The following RAP1GAP2 variants were observed in gnomAD, a reference collection of about 807,000 sequenced individuals.
RAP1GAP2 encodes rap1 GTPase-activating protein 2.
In RAP1GAP2, 27 loss-of-function variants were observed where a neutral mutation model predicts 95.0. That is an observed-to-expected ratio of 0.28 (90% CI 0.21 to 0.39). The LOEUF (loss-of-function observed/expected upper bound fraction) is 0.39. RAP1GAP2 is among the 10% of genes least tolerant of loss of function. RAP1GAP2 has a pLI of 1.00. For missense variants in RAP1GAP2, 771 were observed against 970.0 expected (o/e 0.79, Z 2.72); for synonymous variants, 373 against 380.9 (o/e 0.98, Z 0.24).
chr17:2,891,674 G>C (rs989432385), intron 2 of RAP1GAP2, among the ~76,000 whole-genome samples: 2 of 151,192 alleles, frequency 1.3e-5, no homozygotes, highest in African/African-American at 2.4e-5. Flanking sequence ...TGTCTTTATT[G>C]GTTGATAGTT....
At chr17:2,967,385 TGAC>T (rs35999088) in intron 8 of RAP1GAP2, among the ~76,000 whole-genome samples, 8,826 of 151,870 alleles carry the variant, frequency 0.058, 342 homozygotes, top group East Asian at 0.2. Flanking sequence ...ACAACAACGA[TGAC>T]AACAACAACG....
intron 2 of RAP1GAP2, among the ~76,000 whole-genome samples, chr17:2,835,590 G>A (rs561215537): frequency 6.6e-6 from 1 of 152,312 alleles, no homozygotes; most frequent in South Asian, 2.1e-4. Flanking sequence ...ACAGAGCTGG[G>A]TGTGGTGAAC....
chr17:2,853,910 G>T, intron 2 of RAP1GAP2: 5 of 979,560 alleles, frequency 5.1e-6, no homozygotes, highest in South Asian at 4.7e-5. Flanking sequence ...GCCGGGGCGC[G>T]GGCTCAGGGG....
At chr17:3,022,011 A>T (rs1414837389) in intron 19 of RAP1GAP2, among the ~76,000 whole-genome samples, 1 of 151,962 alleles carries the variant, frequency 6.6e-6, no homozygotes, top group African/African-American at 2.4e-5. Context: ...CTGCAGGGGG[A>T]TTGCTAGATC....
At position 3,035,772 on chromosome 17, in the gene RAP1GAP2, G is replaced by T. The variant is rs1157732812; in HGVS notation, c.*2411G>T. ...CCTCCCCTCCCTCCCCTAGACCACG[G>T]GGCGGGCAGCTCGGGTTCCTGGAGG... On this transcript the variant is annotated 3_prime_UTR_variant, in exon 25 of 25. Transcript: ENST00000254695. The surrounding 1 kb of genome is among the most constrained non-coding windows in gnomAD (Gnocchi z 4.3). 6.6e-6 allele frequency: 1 copy of T among 152,352 alleles called. No individual in the cohort carries two copies. The highest frequency in any genetic ancestry group is 1.5e-5 in the Non-Finnish European group (1 of 68,164). 9.4% of individuals were successfully genotyped at this position (152,352 alleles called of 1,614,324 possible).
At chr17:2,778,015 G>A (rs111950542) in intron 1 of RAP1GAP2, among the ~76,000 whole-genome samples, 1 of 33,618 alleles carries the variant, frequency 3.0e-5, no homozygotes, top group Non-Finnish European at 6.4e-5. Flanking sequence ...GCTGGGAGGC[G>A]GGGAGGCTGG....
At chr17:2,756,808 C>T (rs963908724) in intron 1 of RAP1GAP2, among the ~76,000 whole-genome samples, 1 of 152,154 alleles carries the variant, frequency 6.6e-6, no homozygotes, top group African/African-American at 2.4e-5. Flanking sequence ...GTATTAGCAC[C>T]TCCATTTTAC....
At position 2,903,572 on chromosome 17, in the gene RAP1GAP2, G is replaced by C. The variant is rs918191221; in HGVS notation, c.81-1712G>C. 6.6e-6 allele frequency among the ~76,000 whole-genome samples: 1 copy of C among 152,206 alleles called. No homozygotes were observed. The highest frequency in any genetic ancestry group is 1.5e-5 in the Non-Finnish European group (1 of 68,044). On this transcript the variant is annotated intron_variant, in intron 2 of 24. Coordinates refer to ENST00000254695, the MANE Select transcript of RAP1GAP2 (RefSeq NM_015085.5). This position sits in a 1 kb window ranked among gnomAD's most constrained non-coding sequence, Gnocchi z 4.1. ...GAGCCAGTTACAGCCTGGATCAGGC[G>C]GGAGAGTCCCCCCTCTCCAGCCATC... is the stretch of plus-strand genomic sequence containing the variant.
chr17:2,756,991 G>T (rs2071160775), intron 1 of RAP1GAP2, among the ~76,000 whole-genome samples: 1 of 152,196 alleles, frequency 6.6e-6, no homozygotes, highest in Non-Finnish European at 1.5e-5. Context: ...AGTTCACATT[G>T]TCCGAAAATC....
intron 2 of RAP1GAP2, among the ~76,000 whole-genome samples, chr17:2,820,087 T>G (rs571740978): frequency 1.1e-4 from 16 of 152,308 alleles, no homozygotes; most frequent in Non-Finnish European, 2.1e-4. Context: ...GGCCTAGTTT[T>G]TTCTTTTTGG....
At chr17:2,896,760 G>C (rs1434104490) in intron 2 of RAP1GAP2, among the ~76,000 whole-genome samples, 1 of 152,212 alleles carries the variant, frequency 6.6e-6, no homozygotes, top group East Asian at 1.9e-4. Flanking sequence ...TCCTAGCCCT[G>C]GTGCAGTTTA....
chr17:2,996,478 C>T (rs1313081050), intron 13 of RAP1GAP2, among the ~76,000 whole-genome samples: 1 of 152,200 alleles, frequency 6.6e-6, no homozygotes, highest in African/African-American at 2.4e-5. Context: ...TAGTGCCTGG[C>T]TTCTTAGGAA....
intron 20 of RAP1GAP2, 25 bp from the exon 21 acceptor site, chr17:3,026,325 T>A: frequency 6.5e-7 from 1 of 1,527,216 alleles, no homozygotes; most frequent in Non-Finnish European, 8.9e-7. Flanking sequence ...TGACCCGGGC[T>A]GGCCTCACTT....
intron 2 of RAP1GAP2, among the ~76,000 whole-genome samples, chr17:2,823,390 C>T (rs2070395400): frequency 2.0e-5 from 3 of 152,130 alleles, no homozygotes; most frequent in South Asian, 4.1e-4. Context: ...CCCCAAACAG[C>T]GTGGGTTCAG....
chr17:2,769,509 C>T (rs1393822942), intron 1 of RAP1GAP2, among the ~76,000 whole-genome samples: 10 of 149,080 alleles, frequency 6.7e-5, no homozygotes, highest in Non-Finnish European at 8.9e-5. Context: ...GAGCCGAGAT[C>T]GCGCCACTGC....
chr17:2,945,340 A>C lies in RAP1GAP2; in HGVS notation c.166-12419A>C, dbSNP rs187426755. ...AACACAACTGATTTTTGTACTCTGC[A>C]ATTTTGCAGACTTCCTTTATCAGCT... On this transcript the variant is annotated intron_variant, in intron 3 of 24. Coordinates refer to ENST00000254695, the MANE Select transcript of RAP1GAP2 (RefSeq NM_015085.5). 4.6e-5 allele frequency among the ~76,000 whole-genome samples: 7 copies of C among 152,188 alleles called. No individual in the cohort carries two copies. In the East Asian group the frequency reaches 1.3e-3, roughly 29 times the overall value.
At chr17:2,826,527 T>G (rs1274337292) in intron 2 of RAP1GAP2, among the ~76,000 whole-genome samples, 1 of 151,466 alleles carries the variant, frequency 6.6e-6, no homozygotes, top group African/African-American at 2.4e-5. Context: ...CCTGTCTCCT[T>G]GGTGACTTGG....
intron 2 of RAP1GAP2, among the ~76,000 whole-genome samples, chr17:2,885,331 A>C (rs982387493): frequency 1.3e-5 from 2 of 152,114 alleles, no homozygotes; most frequent in Non-Finnish European, 2.9e-5. Flanking sequence ...CGCGCCCGGC[A>C]GATAGACACA....
At chr17:2,877,620 G>A (rs1032336983) in intron 2 of RAP1GAP2, among the ~76,000 whole-genome samples, 1 of 152,098 alleles carries the variant, frequency 6.6e-6, no homozygotes, top group African/African-American at 2.4e-5. Flanking sequence ...GTATGGTGGC[G>A]GGCACCTGTA....
Sources: gnomAD v4.1 joint callset for allele counts (sites outside exome capture counted in the v4.1 genomes callset) on GRCh38, gnomAD v4.1.1 for gene constraint, Gnocchi (gnomAD v3.1) non-coding constraint, MANE v1.5 for transcripts, NCBI Gene and HGNC (gene_info 2026-07-23, HGNC 2026-07-21) for gene names.